Variants in SRPK2 observed in about 807,000 individuals in gnomAD.
SRPK2 encodes the protein SFRS protein kinase 2.
Under a neutral mutation model 90.8 loss-of-function variants are expected in SRPK2, and 21 were observed. That is an observed-to-expected ratio of 0.23 (90% CI 0.16 to 0.33). SRPK2 has a LOEUF of 0.33. SRPK2 is among the 10% of genes least tolerant of loss of function. The pLI is 1.00. For synonymous variants in SRPK2, 288 were observed against 311.1 expected (o/e 0.93, Z 0.78); for missense variants, 620 against 869.0 (o/e 0.71, Z 3.60).
At chr7:105,246,513 C>A (rs541035817) in intron 2 of SRPK2, among the ~76,000 whole-genome samples, 3 of 152,254 alleles carry the variant, frequency 2.0e-5, no homozygotes, top group Admixed American at 1.3e-4. Context: ...TGGTAGTCAC[C>A]AGCCCACAAA....
At chr7:105,313,723 C>T (rs1811993031) in intron 2 of SRPK2, among the ~76,000 whole-genome samples, 1 of 152,074 alleles carries the variant, frequency 6.6e-6, no homozygotes, top group Non-Finnish European at 1.5e-5. Flanking sequence ...TGCACTCCAG[C>T]CTGGACAACA....
At chr7:105,252,747 CTTTTTTTTTTTTT>C (rs1296160073) in intron 2 of SRPK2, among the ~76,000 whole-genome samples, 1 of 130,140 alleles carries the variant, frequency 7.7e-6, no homozygotes, top group South Asian at 2.5e-4. Context: ...TTTTTTTTTT[CTTTTTTTTTTTTT>C]GAGACAGAGT....
At chr7:105,131,068 T>G (rs778938616) in intron 13 of SRPK2, among the ~76,000 whole-genome samples, 2 of 152,200 alleles carry the variant, frequency 1.3e-5, no homozygotes, top group African/African-American at 2.4e-5. Flanking sequence ...GGTATAAAAT[T>G]GTGCTGAAAG....
At chr7:105,145,107 C>T (rs1015686776) in intron 9 of SRPK2, among the ~76,000 whole-genome samples, 176 bp downstream of exon 9, 121 of 106,974 alleles carry the variant, frequency 1.1e-3, no homozygotes, top group South Asian at 1.8e-3. Context: ...ACTCAGTTTT[C>T]AAAAAAAAAA....
At chr7:105,285,403 AAAAAG>A (rs1208446069) in intron 2 of SRPK2, among the ~76,000 whole-genome samples, 1 of 121,746 alleles carries the variant, frequency 8.2e-6, no homozygotes, top group African/African-American at 2.8e-5. Flanking sequence ...AAAAAAAAAA[AAAAAG>A]GAAAAGGAAA....
rs149712107 is a variant in SRPK2 at position 105,384,341 on chromosome 7, T to C, written c.71+4307A>G. On this transcript the variant is annotated intron_variant, in intron 2 of 15. Transcript: ENST00000393651. ...AAACTCACAGGACAATCTAACAGGA[T>C]TAAAATTTTGACCCACTAAATAATC... is the stretch of plus-strand genomic sequence containing the variant. Among the ~76,000 whole-genome samples, 291 of 152,270 alleles carry C rather than the reference T, an allele frequency of 1.9e-3. 2 individuals carry two copies. The highest frequency in any genetic ancestry group is 6.6e-3 in the African/African-American group (275 of 41,556).
chr7:105,170,510 C>A (rs1355501177), intron 3 of SRPK2, among the ~76,000 whole-genome samples: 1 of 151,500 alleles, frequency 6.6e-6, no homozygotes, highest in African/African-American at 2.4e-5. Context: ...CTGGCCAACA[C>A]GGTGAAACCC....
upstream of SRPK2, chr7:105,388,922 G>GCGCCGCCGC (rs754679660): frequency 3.7e-5 from 45 of 1,203,696 alleles, no homozygotes; most frequent in Middle Eastern, 3.3e-4. Context: ...AACCGCGCCT[G>GCGCCGCCGC]CGCCGCCGCC....
intron 2 of SRPK2, among the ~76,000 whole-genome samples, chr7:105,358,879 G>A (rs957748600): frequency 1.3e-5 from 2 of 152,020 alleles, no homozygotes; most frequent in South Asian, 4.2e-4. Flanking sequence ...TTCAGTGAGG[G>A]TCTCAGGCTG....
At position 105,179,517 on chromosome 7, in the gene SRPK2, G is replaced by C. The variant is rs564613952; in HGVS notation, c.230-10252C>G. On this transcript the variant is annotated intron_variant, in intron 3 of 15. Transcript: ENST00000393651. ...AATTCAGGTATGATAATTTACAGCT[G>C]GTAAATGTCACTTAAAAAATTAAAA... Among the ~76,000 whole-genome samples, 4 of 152,156 alleles carry C rather than the reference G, an allele frequency of 2.6e-5. No individual in the cohort carries two copies. In the East Asian group the frequency reaches 7.7e-4, roughly 29 times the overall value.
chr7:105,143,344 A>C lies in SRPK2; in HGVS notation c.814-14T>G. The C allele has an allele frequency of 6.2e-7, 1 of 1,607,046 alleles. No homozygotes were observed. The highest frequency in any genetic ancestry group is 8.5e-7 in the Non-Finnish European group (1 of 1,179,150). On this transcript the variant is annotated splice_polypyrimidine_tract_variant and intron_variant, in intron 9 of 15. Transcript: ENST00000393651. ...TATTTTTCCTATCTATGTTAAGGAAAGACCACAGGTCAGTATTCTTCTTTT... is the reference window on the plus strand; with the variant it reads ...TATTTTTCCTATCTATGTTAAGGAACGACCACAGGTCAGTATTCTTCTTTT...
At chr7:105,240,778 T>G (rs1376064468) in intron 2 of SRPK2, among the ~76,000 whole-genome samples, 2 of 152,188 alleles carry the variant, frequency 1.3e-5, no homozygotes, top group African/African-American at 4.8e-5. Context: ...TCTGTTATGT[T>G]GCATATTAAA....
intron 2 of SRPK2, among the ~76,000 whole-genome samples, chr7:105,333,113 G>A (rs758833547): frequency 1.1e-4 from 17 of 152,244 alleles, no homozygotes; most frequent in Middle Eastern, 3.4e-3. Flanking sequence ...AGAACAGCTT[G>A]AACCCGGGTG....
intron 2 of SRPK2, among the ~76,000 whole-genome samples, chr7:105,334,759 G>T (rs950823284): frequency 4.1e-5 from 6 of 146,264 alleles, no homozygotes; most frequent in Non-Finnish European, 7.4e-5. Flanking sequence ...AGAATCACTT[G>T]AACTCGGGAG....
intron 2 of SRPK2, among the ~76,000 whole-genome samples, chr7:105,357,012 A>C (rs1444820026): frequency 6.7e-6 from 1 of 150,086 alleles, no homozygotes; most frequent in African/African-American, 2.5e-5. Flanking sequence ...GTAAACCATC[A>C]CTTGATTTTT....
At chr7:105,271,960 A>T (rs1249271123) in intron 2 of SRPK2, among the ~76,000 whole-genome samples, 1 of 152,140 alleles carries the variant, frequency 6.6e-6, no homozygotes, top group Non-Finnish European at 1.5e-5. Flanking sequence ...AAGTTTTTAA[A>T]TTTTTCATCC....
chr7:105,154,761 C>T (rs921013807), intron 7 of SRPK2, among the ~76,000 whole-genome samples: 11 of 152,182 alleles, frequency 7.2e-5, no homozygotes, highest in African/African-American at 2.4e-4. Flanking sequence ...ACTGCAACCT[C>T]CGTATCCTGG....
chr7:105,369,090 G>A (rs1034535239), intron 2 of SRPK2, among the ~76,000 whole-genome samples: 6 of 150,518 alleles, frequency 4.0e-5, no homozygotes, highest in East Asian at 2.0e-4. Context: ...CACCTTTTCC[G>A]CTTTATACAT....
At chr7:105,240,135 AGACT>A (rs1215660458) in intron 2 of SRPK2, among the ~76,000 whole-genome samples, 3 of 152,194 alleles carry the variant, frequency 2.0e-5, no homozygotes, top group Non-Finnish European at 4.4e-5. Flanking sequence ...ATGTGCCGAC[AGACT>A]GATTCTGGTG....
Sources: gnomAD v4.1 joint callset for allele counts (sites outside exome capture counted in the v4.1 genomes callset) on GRCh38, gnomAD v4.1.1 for gene constraint, MANE v1.5 for transcripts, NCBI Gene and HGNC (gene_info 2026-07-23, HGNC 2026-07-21) for gene names.